The following FAM234A variants were observed in gnomAD, a reference collection of about 807,000 sequenced individuals.
FAM234A encodes the protein family with sequence similarity 234 member A.
In FAM234A, 42 loss-of-function variants were observed where a neutral mutation model predicts 49.1. The observed-to-expected ratio is 0.86, with a 90% CI of 0.67 to 1.11. The LOEUF (loss-of-function observed/expected upper bound fraction) is 1.11. Ranked by LOEUF, FAM234A falls within the 50% of genes least tolerant of loss-of-function variation. FAM234A has a pLI of 0.00. For synonymous variants in FAM234A, 369 were observed against 316.2 expected (o/e 1.17, Z -1.77); for missense variants, 815 against 745.2 (o/e 1.09, Z -1.09).
intron 12 of FAM234A, 21 bp downstream of exon 12, chr16:264,737 G>T (rs1197120167): frequency 6.2e-7 from 1 of 1,609,006 alleles, no homozygotes. Flanking sequence ...CCTCGGCCAG[G>T]GACCCGGGTG....
chr16:258,930 G>T (rs1415616560), intron 3 of FAM234A, among the ~76,000 whole-genome samples: 5 of 152,122 alleles, frequency 3.3e-5, no homozygotes, highest in Admixed American at 3.3e-4. Context: ...CTACAGGCAC[G>T]TGCTACTACA....
chr16:256,065 G>A (rs1480400720), intron 3 of FAM234A, among the ~76,000 whole-genome samples: 3 of 152,090 alleles, frequency 2.0e-5, no homozygotes, highest in Non-Finnish European at 4.4e-5. Flanking sequence ...GTCGTGGTCT[G>A]TCTGTGTCTT....
Position 266,065 on chromosome 16 carries a change from G to A in FAM234A, c.*1043G>A. 1.0e-6 allele frequency: 1 copy of A among 986,042 alleles called. No homozygotes were observed. The highest frequency in any genetic ancestry group is 1.2e-6 in the Non-Finnish European group (1 of 830,112). 61.1% of individuals were successfully genotyped at this position (986,042 alleles called of 1,614,324 possible). ...GATGACCCACCCACCAAGGAAGAAA[G>A]CAGAATAAACATTTTTGCACTGCCT... is the stretch of plus-strand genomic sequence containing the variant. On this transcript the variant is annotated 3_prime_UTR_variant, in exon 13 of 13. Transcript: ENST00000399932.
rs375958549 is a variant in FAM234A at position 262,264 on chromosome 16, G to A, written c.841+39G>A. Reference sequence around the variant, plus strand: ...GCCACATCCCTGGCCAGCCTCACTCGTGGAGCATGACTGCCCTGCGGCTCC... The same window carrying A: ...GCCACATCCCTGGCCAGCCTCACTCATGGAGCATGACTGCCCTGCGGCTCC... On this transcript the variant is annotated intron_variant, in intron 7 of 12. Coordinates refer to ENST00000399932, the MANE Select transcript of FAM234A (RefSeq NM_032039.4). The A allele has an allele frequency of 2.7e-5, 43 of 1,609,786 alleles. No individual in the cohort carries two copies. In the African/African-American group the frequency reaches 2.8e-4, roughly 10 times the overall value.
At chr16:264,776 G>T in intron 12 of FAM234A, 35 bp from the exon 13 acceptor site, 1 of 1,607,344 alleles carries the variant, frequency 6.2e-7, no homozygotes. Flanking sequence ...GGCTGGTCCT[G>T]AGCCGCCCTG....
At chr16:264,445 G>C (rs2051611474) in intron 11 of FAM234A, among the ~76,000 whole-genome samples, 169 bp from the exon 12 acceptor site, 2 of 152,228 alleles carry the variant, frequency 1.3e-5, no homozygotes, top group Non-Finnish European at 2.9e-5. Context: ...TCAGGACCAG[G>C]TGGGGTGGGA....
rs561057931 is a variant in FAM234A, at chr16:260,539, G to A, written c.577+379G>A. On this transcript the variant is annotated intron_variant, in intron 5 of 12. Transcript: ENST00000399932. The stretch of plus-strand genomic sequence containing the variant: ...CAGAACATGAACCAGCACTCGGCCC[G>A]TCAGGGGAGATCGGGGCCTGTCAGT... The A allele has an allele frequency of 1.6e-3, 760 of 483,868 alleles. 2 individuals carry two copies. The highest frequency in any genetic ancestry group is 2.6e-3 in the Non-Finnish European group (624 of 235,894). 30.0% of individuals were successfully genotyped at this position (483,868 alleles called of 1,614,324 possible).
chr16:265,145 C>T lies in FAM234A; in HGVS notation c.*123C>T. On this transcript the variant is annotated 3_prime_UTR_variant, in exon 13 of 13. Coordinates refer to ENST00000399932, the MANE Select transcript of FAM234A (RefSeq NM_032039.4). Reference sequence around the variant, plus strand: ...CTCCTGACCCTGGTGATGGTCGCCACTGGGCAGCAGCAGCCTTACCAGTCC... The same window carrying T: ...CTCCTGACCCTGGTGATGGTCGCCATTGGGCAGCAGCAGCCTTACCAGTCC... 1 of 1,447,092 alleles carries T rather than the reference C, an allele frequency of 6.9e-7. No homozygotes were observed. The allele number at this position is 1,447,092 out of a possible 1,614,324, so 89.6% of individuals were successfully genotyped here.
chr16:245,199 T>TTGCCCGGCGCGGTGA (rs1438656897), intron 1 of FAM234A, among the ~76,000 whole-genome samples: 3 of 151,834 alleles, frequency 2.0e-5, no homozygotes, highest in African/African-American at 7.3e-5. Context: ...ATACAAAAAT[T>TTGCCCGGCGCGGTGA]TGCCCGGCGC....
At chr16:266,652 C>T (rs1359684842), downstream of FAM234A, among the ~76,000 whole-genome samples, 1 of 152,208 alleles carries the variant, frequency 6.6e-6, no homozygotes, top group South Asian at 2.1e-4. Flanking sequence ...CCCATTGCTC[C>T]TTCCAAGGCG....
chr16:243,339 C>T (rs1400993091), intron 1 of FAM234A, among the ~76,000 whole-genome samples: 1 of 151,904 alleles, frequency 6.6e-6, no homozygotes, highest in Non-Finnish European at 1.5e-5. Context: ...TTTAAATAGC[C>T]ACATGGCCTG....
Position 264,075 on chromosome 16 carries a change from C to T in FAM234A, c.1248C>T (p.Leu416=), listed in dbSNP as rs770958044. Residue 416 remains leucine, a synonymous_variant, in exon 11 of 13, where the codon CTC becomes CTT. Transcript: ENST00000399932. ...AVLCSLALPS[L]PGGPLSASLP... Reference sequence around the variant, plus strand: ...TGTGTAGCCTAGCCCTCCCGAGCCTCCCTGGGGGTCCACTGTCCGCCAGCC... The same window carrying T: ...TGTGTAGCCTAGCCCTCCCGAGCCTTCCTGGGGGTCCACTGTCCGCCAGCC... 2.5e-6 allele frequency: 4 copies of T among 1,612,902 alleles called. No individual in the cohort carries two copies. The highest frequency in any genetic ancestry group is 2.7e-5 in the African/African-American group (2 of 74,924).
At chr16:261,144 T>G in intron 5 of FAM234A, 1 of 443,102 alleles carries the variant, frequency 2.3e-6, no homozygotes, top group Non-Finnish European at 4.1e-6. Flanking sequence ...TTTGGCATAT[T>G]GCCACCGAGT....
chr16:265,642 G>A lies in FAM234A; in HGVS notation c.*620G>A, dbSNP rs941552683. On this transcript the variant is annotated 3_prime_UTR_variant, in exon 13 of 13. Coordinates refer to ENST00000399932, the MANE Select transcript of FAM234A (RefSeq NM_032039.4). ...TGGTTCCTTTGACCAGGTCCTGTGA[G>A]GAAGCCTGGAGCAAGGGTCTCCCCC... The A allele has an allele frequency of 1.0e-6, 1 of 985,422 alleles. No homozygotes were observed. The highest frequency in any genetic ancestry group is 1.7e-5 in the African/African-American group (1 of 57,208). 61.0% of individuals were successfully genotyped at this position (985,422 alleles called of 1,614,324 possible). A position where few individuals can be genotyped will look rare whatever the true frequency, so the allele number is the denominator to read the frequency against.
chr16:266,123 G>A (rs928827839), downstream of FAM234A: 28 of 977,208 alleles, frequency 2.9e-5, no homozygotes, highest in South Asian at 4.7e-5. Context: ...TGAGCCTAGC[G>A]TGTGTGCGTC....
At position 262,512 on chromosome 16, in the gene FAM234A, G is replaced by A. The variant is rs2051508392; in HGVS notation, c.930G>A (p.Glu310=). ...GGPFKSDPHW[E]SMLNATTRRM... ...CGTTCAAGAGTGACCCGCACTGGGA[G>A]AGCATGCTCAATGCCACCACCCGCA... Residue 310 remains glutamate, a synonymous_variant, in exon 8 of 13, where the codon GAG becomes GAA. Transcript: ENST00000399932. 3 of 1,611,640 alleles carry A rather than the reference G, an allele frequency of 1.9e-6. No homozygotes were observed. Among genetic ancestry groups the A allele is most frequent in the African/African-American group, 1.3e-5 (1 of 74,894 alleles).
chr16:262,026 G>A (rs1767215314), intron 6 of FAM234A, 67 bp from the exon 7 acceptor site: 1 of 1,536,790 alleles, frequency 6.5e-7, no homozygotes, highest in Non-Finnish European at 8.8e-7. Flanking sequence ...TTCTCTTCCT[G>A]GGCCTTGTGT....
chr16:264,720 AG>A lies in FAM234A; in HGVS notation c.1447+5del, dbSNP rs1567228294. ...ACCCACATTGTCGCCTTTGACGGTGAGTGTGGCCTCGGCCAGGGACCCGGGT... is the reference window on the plus strand; with the variant it reads ...ACCCACATTGTCGCCTTTGACGGTGATGTGGCCTCGGCCAGGGACCCGGGT... On this transcript the variant is annotated splice_donor_5th_base_variant and intron_variant, in intron 12 of 12. Coordinates refer to ENST00000399932, the MANE Select transcript of FAM234A (RefSeq NM_032039.4). The A allele has an allele frequency of 6.2e-7, 1 of 1,610,822 alleles. No individual in the cohort carries two copies.
At chr16:262,358 G>A in intron 7 of FAM234A, 66 bp from the exon 8 acceptor site, 2 of 1,556,182 alleles carry the variant, frequency 1.3e-6, no homozygotes, top group Admixed American at 1.9e-5. Flanking sequence ...ATGTGGCACT[G>A]CGTGCCCCTG....
Sources: allele counts gnomAD v4.1 joint callset (sites outside exome capture counted in the v4.1 genomes callset), GRCh38; gene constraint gnomAD v4.1.1; transcripts MANE v1.5; gene names NCBI Gene and HGNC (gene_info 2026-07-23, HGNC 2026-07-21).